Variants in RBFOX1 observed in about 807,000 individuals in gnomAD.
The protein encoded by RBFOX1 is RNA binding fox-1 homolog 1.
RBFOX1 carries 8 observed loss-of-function variants against 57.7 expected under a neutral mutation model. The observed-to-expected ratio is 0.14, with a 90% CI of 0.08 to 0.25. The LOEUF is 0.25. RBFOX1 is among the 10% of genes least tolerant of loss of function. RBFOX1 has a pLI of 1.00. For missense variants in RBFOX1, 611 were observed against 548.5 expected, an observed-to-expected ratio of 1.11 and a Z score of -1.14; for synonymous variants, 326 against 222.4, an observed-to-expected ratio of 1.47 and a Z score of -4.15.
intron 3 of RBFOX1, among the ~76,000 whole-genome samples, chr16:5,729,389 TTC>T (rs1382674099): frequency 7.4e-6 from 1 of 135,060 alleles, no homozygotes; most frequent in Non-Finnish European, 1.5e-5. Context: ...CTTTTTTTTT[TTC>T]TTTTCTTTTT....
At chr16:7,230,503 A>T (rs967352706) in intron 4 of RBFOX1, among the ~76,000 whole-genome samples, 5 of 152,160 alleles carry the variant, frequency 3.3e-5, no homozygotes, top group Non-Finnish European at 5.9e-5. Flanking sequence ...GGGCTGACCC[A>T]TCAGGCATGA....
chr16:6,666,691 C>T (rs62017895), intron 3 of RBFOX1, among the ~76,000 whole-genome samples: 39 of 152,230 alleles, frequency 2.6e-4, no homozygotes, highest in African/African-American at 6.7e-4. Flanking sequence ...GAAGAAAATA[C>T]GTCCCTTCTG....
At chr16:6,726,649 T>C (rs1316109575) in intron 3 of RBFOX1, among the ~76,000 whole-genome samples, 2 of 152,198 alleles carry the variant, frequency 1.3e-5, no homozygotes, top group East Asian at 1.9e-4. Context: ...CAGGTGTGCA[T>C]GCCCAGAGAA....
intron 4 of RBFOX1, among the ~76,000 whole-genome samples, chr16:7,445,072 G>A (rs777378759): frequency 6.7e-6 from 1 of 149,904 alleles, no homozygotes; most frequent in South Asian, 2.2e-4. Context: ...TTGACTGCCC[G>A]GAAAAATACT....
intron 1 of RBFOX1, among the ~76,000 whole-genome samples, chr16:6,212,253 T>C (rs2097303328): frequency 1.3e-5 from 2 of 152,162 alleles, no homozygotes; most frequent in Non-Finnish European, 1.5e-5. Context: ...AGTTGTATAA[T>C]AGTATATATA....
chr16:6,654,622 A>G lies in RBFOX1; in HGVS notation c.-44A>G, dbSNP rs912364435. ...TCTCAGGATATCAAAGCAGACTGCA[A>G]TACCTGCGTGGAAATAGAAGACAGA... is the stretch of plus-strand genomic sequence containing the variant. On this transcript the variant is annotated 5_prime_UTR_variant, in exon 3 of 16. Transcript: ENST00000550418. The G allele has an allele frequency of 2.2e-5, 34 of 1,512,642 alleles. No homozygotes were observed. Among genetic ancestry groups the G allele is most frequent in the Non-Finnish European group, 2.7e-5 (31 of 1,139,130 alleles). The allele number at this position is 1,512,642 out of a possible 1,614,324, so 93.7% of individuals were successfully genotyped here.
At chr16:6,374,263 T>G (rs963095886) in intron 2 of RBFOX1, among the ~76,000 whole-genome samples, 1 of 152,146 alleles carries the variant, frequency 6.6e-6, no homozygotes, top group African/African-American at 2.4e-5. Context: ...CTCATGTAAT[T>G]AGGAGACAAA....
At chr16:7,304,511 G>A in intron 4 of RBFOX1, 15 of 985,332 alleles carry the variant, frequency 1.5e-5, no homozygotes, top group Non-Finnish European at 1.8e-5. Context: ...GCCCTCGGTG[G>A]CTGCTTTCCT....
At chr16:5,848,936 G>A (rs1444505099) in intron 3 of RBFOX1, among the ~76,000 whole-genome samples, 1 of 151,742 alleles carries the variant, frequency 6.6e-6, no homozygotes, top group Non-Finnish European at 1.5e-5. Context: ...GTGACAGGGA[G>A]AGACTCCATC....
At chr16:5,735,535 T>C (rs913992002) in intron 3 of RBFOX1, among the ~76,000 whole-genome samples, 1 of 152,212 alleles carries the variant, frequency 6.6e-6, no homozygotes, top group African/African-American at 2.4e-5. Flanking sequence ...TCTCCTGTTT[T>C]GATCACTGAG....
At chr16:5,592,003 A>C (rs1286874031) in intron 2 of RBFOX1, among the ~76,000 whole-genome samples, 2 of 152,220 alleles carry the variant, frequency 1.3e-5, no homozygotes, top group Non-Finnish European at 2.9e-5. Context: ...TGCTTTATTC[A>C]AATTTCTTCT....
intron 3 of RBFOX1, among the ~76,000 whole-genome samples, chr16:6,990,921 T>C (rs879542081): frequency 6.6e-6 from 1 of 152,054 alleles, no homozygotes; most frequent in Non-Finnish European, 1.5e-5. Context: ...ACTCTCGCAA[T>C]TTATTGCCAA....
chr16:6,149,867 C>G (rs1235389484), intron 1 of RBFOX1, among the ~76,000 whole-genome samples: 1 of 152,130 alleles, frequency 6.6e-6, no homozygotes, highest in East Asian at 1.9e-4. Flanking sequence ...AGTGGTTTGC[C>G]AACTCTAAAT....
intron 1 of RBFOX1, among the ~76,000 whole-genome samples, chr16:5,278,671 T>C (rs1047412690): frequency 6.6e-6 from 1 of 152,268 alleles, no homozygotes; most frequent in Non-Finnish European, 1.5e-5. Flanking sequence ...ATGCAATCTT[T>C]GTTCTCAAGA....
At chr16:6,425,247 G>A (rs1410672848) in intron 2 of RBFOX1, among the ~76,000 whole-genome samples, 1 of 152,134 alleles carries the variant, frequency 6.6e-6, no homozygotes, top group Non-Finnish European at 1.5e-5. Flanking sequence ...AGGAGAGTAT[G>A]GTCAACAGGT....
rs954841559 is a variant in RBFOX1 at position 7,660,784 on chromosome 16, G to A, written c.891-4145G>A. 5.3e-4 allele frequency among the ~76,000 whole-genome samples: 81 copies of A among 152,168 alleles called. 2 individuals are homozygous for A. Among genetic ancestry groups the A allele is most frequent in the Admixed American group, 2.0e-4 (3 of 15,290 alleles). ...TCAGAACCTGTTGGCTGGGCATGGG[G>A]CCCAGCCATCTGTGTTTCAAAAGTC... On this transcript the variant is annotated intron_variant, in intron 12 of 15. Transcript: ENST00000550418.
intron 3 of RBFOX1, among the ~76,000 whole-genome samples, chr16:5,828,487 C>T (rs1032442340): frequency 6.6e-6 from 1 of 152,100 alleles, no homozygotes; most frequent in African/African-American, 2.4e-5. Context: ...ATCGCGAGGT[C>T]AATAGATCAA....
intron 4 of RBFOX1, among the ~76,000 whole-genome samples, chr16:7,320,084 A>G (rs955451671): frequency 6.6e-6 from 1 of 152,270 alleles, no homozygotes; most frequent in South Asian, 2.1e-4. Context: ...AATTAATTTT[A>G]TTGTAAGTTG....
intron 2 of RBFOX1, among the ~76,000 whole-genome samples, chr16:6,402,616 T>C (rs761546908): frequency 9.8e-5 from 15 of 152,320 alleles, no homozygotes; most frequent in Admixed American, 2.0e-4. Flanking sequence ...TGCTGTCCTC[T>C]GCCTCCTTCC....
Sources: gnomAD v4.1 joint callset for allele counts (sites outside exome capture counted in the v4.1 genomes callset) on GRCh38, gnomAD v4.1.1 for gene constraint, MANE v1.5 for transcripts, NCBI Gene and HGNC (gene_info 2026-07-23, HGNC 2026-07-21) for gene names.